RELCH: variants seen among roughly 807,000 people sequenced by gnomAD.
RELCH encodes the protein RAB11 binding and LisH domain, coiled-coil and HEAT repeat containing, also known as RAB11-binding protein RELCH.
In RELCH, 41 loss-of-function variants were observed where a neutral mutation model predicts 150.3. The observed-to-expected ratio is 0.27, with a 90% CI of 0.21 to 0.35. RELCH has a LOEUF of 0.35. RELCH is among the 10% of genes least tolerant of loss of function. The pLI, the probability that RELCH is intolerant of heterozygous loss-of-function variation, is 1.00. For synonymous variants in RELCH, 478 were observed against 531.8 expected (o/e 0.90, Z 1.39); for missense variants, 1,092 against 1,467.8 (o/e 0.74, Z 4.18).
At chr18:62,237,440 A>G (rs904931138) in intron 10 of RELCH, among the ~76,000 whole-genome samples, 9 of 151,830 alleles carry the variant, frequency 5.9e-5, no homozygotes, top group Non-Finnish European at 8.9e-5. Context: ...TACTTTGTGC[A>G]TGTATAAATT....
intron 1 of RELCH, among the ~76,000 whole-genome samples, chr18:62,192,650 C>T (rs953979014): frequency 1.3e-5 from 2 of 152,120 alleles, no homozygotes; most frequent in African/African-American, 4.8e-5. Flanking sequence ...GGAATTCTTT[C>T]CCCTTTGCTT....
Position 62,282,317 on chromosome 18 carries a change from A to C in RELCH, c.3126A>C (p.Arg1042Ser), listed in dbSNP as rs781468305. 4.4e-5 allele frequency: 71 copies of C among 1,612,918 alleles called. No individual in the cohort carries two copies. In the South Asian group the frequency reaches 7.4e-4, roughly 17 times the overall value. ...TATCCAATTTTAAGTTGCTGGAAAG[A>C]GTGAAAATGCAGTTGGCTTCTTTCC... ...ETVIQRELLE[R>S]VKMQLASFLE... is the part of the protein sequence containing the mutation. The change falls in exon 25 of 29, where the codon AGA (arginine) becomes AGC (serine). Residue 1042 changes from arginine (R) to serine (S), a missense_variant. By Grantham distance (110) the Arg-to-Ser change is moderately radical (BLOSUM62 -1). Coordinates refer to ENST00000644646, the MANE Select transcript of RELCH (RefSeq NM_001346231.2).
chr18:62,204,663 G>T (rs2039670686), intron 1 of RELCH, among the ~76,000 whole-genome samples: 1 of 152,112 alleles, frequency 6.6e-6, no homozygotes, highest in Non-Finnish European at 1.5e-5. Flanking sequence ...TATTTACCAA[G>T]GCAGACGTAC....
At chr18:62,280,497 T>C in intron 23 of RELCH, 149 bp from the exon 24 acceptor site, 2 of 1,518,272 alleles carry the variant, frequency 1.3e-6, no homozygotes, top group Non-Finnish European at 1.8e-6. Flanking sequence ...TTGAGCATTC[T>C]TCTTGGTCTG....
At chr18:62,292,951 T>C (rs2045227215) in intron 27 of RELCH, among the ~76,000 whole-genome samples, 1 of 152,146 alleles carries the variant, frequency 6.6e-6, no homozygotes, top group African/African-American at 2.4e-5. Context: ...TTCGTGTTAT[T>C]CTCCTATTAA....
chr18:62,246,945 A>G (rs1388519976), intron 11 of RELCH: 1 of 152,218 alleles, frequency 6.6e-6, no homozygotes, highest in Non-Finnish European at 1.5e-5. Context: ...TTTATATACG[A>G]TATTTGTCTG....
intron 1 of RELCH, among the ~76,000 whole-genome samples, chr18:62,188,327 G>T (rs568534990): frequency 6.6e-6 from 1 of 152,136 alleles, no homozygotes; most frequent in African/African-American, 2.4e-5. Context: ...ACTCCAGAAG[G>T]TTCCCTTTTA....
chr18:62,200,351 C>T (rs1406896776), intron 1 of RELCH, among the ~76,000 whole-genome samples: 1 of 152,200 alleles, frequency 6.6e-6, no homozygotes, highest in Non-Finnish European at 1.5e-5. Context: ...GTACTCCTCA[C>T]TATGGCTTAG....
At chr18:62,281,014 C>T (rs1333530018) in intron 24 of RELCH, among the ~76,000 whole-genome samples, 1 of 152,102 alleles carries the variant, frequency 6.6e-6, no homozygotes, top group East Asian at 1.9e-4. Context: ...CCAGTAAAGC[C>T]CCTTCCTCTT....
At chr18:62,258,245 A>C (rs17718367) in intron 14 of RELCH, among the ~76,000 whole-genome samples, 157 bp downstream of exon 14, 289 of 152,098 alleles carry the variant, frequency 1.9e-3, no homozygotes, top group Middle Eastern at 3.4e-3. Context: ...TCAATTTTGC[A>C]GCTCAGAGGA....
rs1295162595 is a variant in RELCH, at chr18:62,288,690, C to T, written c.3370+1223C>T. ...TAATAATTTAATAATTTTGTAACCT[C>T]AACTATTCATGTCTTCTATAAGTTT... On this transcript the variant is annotated intron_variant, in intron 26 of 28. Coordinates refer to ENST00000644646, the MANE Select transcript of RELCH (RefSeq NM_001346231.2). 7.9e-5 allele frequency among the ~76,000 whole-genome samples: 12 copies of T among 152,078 alleles called. 1 individual carries two copies.
intron 19 of RELCH, among the ~76,000 whole-genome samples, chr18:62,267,434 A>ATGTGTG (rs145946546): frequency 0.17 from 23,952 of 143,366 alleles, 2,595 homozygotes; most frequent in Middle Eastern, 0.29. Flanking sequence ...GTATATATGT[A>ATGTGTG]TGTGTGTGTG....
chr18:62,282,536 G>A, intron 25 of RELCH, 92 bp downstream of exon 25: 1 of 1,328,938 alleles, frequency 7.5e-7, no homozygotes, highest in East Asian at 2.3e-5. Flanking sequence ...TAAAATTTTG[G>A]TGCATTTGTC....
intron 27 of RELCH, 92 bp downstream of exon 27, chr18:62,291,723 G>T: frequency 1.2e-6 from 1 of 803,534 alleles, no homozygotes; most frequent in Admixed American, 2.9e-5. Flanking sequence ...ATGATATGCT[G>T]TAATTTTTTT....
At chr18:62,188,058 C>T (rs17644012) in intron 1 of RELCH, 27 bp downstream of exon 1, 322,588 of 1,518,794 alleles carry the variant, frequency 0.21, 37,638 homozygotes, top group Middle Eastern at 0.24. Context: ...TGTCACACTC[C>T]GGCAGGGTAT....
chr18:62,209,957 T>C (rs1306358409), intron 1 of RELCH, among the ~76,000 whole-genome samples: 1 of 152,222 alleles, frequency 6.6e-6, no homozygotes, highest in African/African-American at 2.4e-5. Context: ...ATTGGTCCCA[T>C]GTTCTGCAAC....
intron 1 of RELCH, among the ~76,000 whole-genome samples, chr18:62,191,256 C>A (rs1389801196): frequency 6.6e-6 from 1 of 152,200 alleles, no homozygotes; most frequent in African/African-American, 2.4e-5. Flanking sequence ...ATCTCCTAAA[C>A]ATTTGGTATT....
At chr18:62,280,490 A>C in intron 23 of RELCH, 156 bp from the exon 24 acceptor site, 1 of 1,545,592 alleles carries the variant, frequency 6.5e-7, no homozygotes, top group South Asian at 1.1e-5. Flanking sequence ...TGTCTTTTTG[A>C]GCATTCTTCT....
intron 10 of RELCH, among the ~76,000 whole-genome samples, chr18:62,234,666 AT>A (rs751055553): frequency 4.3e-4 from 66 of 152,096 alleles, no homozygotes; most frequent in Admixed American, 1.4e-3. Flanking sequence ...TGTAAAAAAA[AT>A]GTACAATGAA....
Sources: gnomAD v4.1 joint callset for allele counts (sites outside exome capture counted in the v4.1 genomes callset) on GRCh38, gnomAD v4.1.1 for gene constraint, MANE v1.5 for transcripts, NCBI Gene and HGNC (gene_info 2026-07-23, HGNC 2026-07-21) for gene names.